Variants in EDEM3 observed in about 807,000 individuals in gnomAD.
EDEM3 encodes ER degradation-enhancing alpha-mannosidase-like protein 3.
Under a neutral mutation model 110.2 loss-of-function variants are expected in EDEM3, and 60 were observed. That is an observed-to-expected ratio of 0.54 (90% CI 0.44 to 0.67). The LOEUF (loss-of-function observed/expected upper bound fraction) is 0.67, where lower values mean the gene tolerates loss of function less well. EDEM3 is among the 30% of genes least tolerant of loss of function. The pLI is 0.00. For missense variants in EDEM3, 996 were observed against 1,121.0 expected, an observed-to-expected ratio of 0.89 and a Z score of 1.59; for synonymous variants, 352 against 382.9, an observed-to-expected ratio of 0.92 and a Z score of 0.94.
At position 184,744,501 on chromosome 1, in the gene EDEM3, T is replaced by C. The variant is rs182335618; in HGVS notation, c.204+5046A>G. Among the ~76,000 whole-genome samples, 8 of 151,794 alleles carry C rather than the reference T, an allele frequency of 5.3e-5. No individual in the cohort carries two copies. In the East Asian group the frequency reaches 1.4e-3, roughly 26 times the overall value. On this transcript the variant is annotated intron_variant, in intron 2 of 19. Transcript: ENST00000318130. Reference sequence around the variant, plus strand: ...AATATTATAGCCATTTTAGAAAAGATTGGCATTTCTTATTAAGTTAAACTT... The same window carrying C: ...AATATTATAGCCATTTTAGAAAAGACTGGCATTTCTTATTAAGTTAAACTT...
intron 13 of EDEM3, among the ~76,000 whole-genome samples, chr1:184,716,214 A>G (rs946895093): frequency 6.6e-6 from 1 of 152,188 alleles, no homozygotes; most frequent in Non-Finnish European, 1.5e-5. Flanking sequence ...AAAAACTAGT[A>G]AGAGCCCTGG....
chr1:184,714,746 C>G (rs1443625068), intron 13 of EDEM3, among the ~76,000 whole-genome samples: 1 of 151,858 alleles, frequency 6.6e-6, no homozygotes, highest in East Asian at 1.9e-4. Context: ...AATCTAGAAA[C>G]AAAACAAAAA....
At chr1:184,736,254 A>G (rs961139410) in intron 4 of EDEM3, among the ~76,000 whole-genome samples, 1 of 152,132 alleles carries the variant, frequency 6.6e-6, no homozygotes, top group Admixed American at 6.6e-5. Flanking sequence ...CGTTCTTAAA[A>G]AAAAAATACT....
At chr1:184,737,753 A>G (rs1320925245) in intron 2 of EDEM3, 42 bp from the exon 3 acceptor site, 1 of 1,523,870 alleles carries the variant, frequency 6.6e-7, no homozygotes, top group Non-Finnish European at 9.1e-7. Context: ...AAAATAAGCG[A>G]AAGCACACAT....
At chr1:184,739,142 C>T (rs1325976838) in intron 2 of EDEM3, among the ~76,000 whole-genome samples, 4 of 151,400 alleles carry the variant, frequency 2.6e-5, no homozygotes, top group South Asian at 2.1e-4. Flanking sequence ...AAACTTTTTG[C>T]GAACACATTT....
intron 4 of EDEM3, among the ~76,000 whole-genome samples, chr1:184,736,303 C>T (rs2024767): frequency 0.5 from 75,456 of 151,688 alleles, 18,942 homozygotes; most frequent in East Asian, 0.68. Flanking sequence ...TTGAGAAGCC[C>T]AGTTCCAAAA....
At chr1:184,723,078 G>C (rs1650990778) in intron 8 of EDEM3, among the ~76,000 whole-genome samples, 1 of 151,808 alleles carries the variant, frequency 6.6e-6, no homozygotes, top group Admixed American at 6.6e-5. Flanking sequence ...AACATCTTGG[G>C]AACAAATAAT....
intron 16 of EDEM3, among the ~76,000 whole-genome samples, chr1:184,709,960 AC>A (rs1193996480): frequency 6.6e-6 from 1 of 152,224 alleles, no homozygotes; most frequent in African/African-American, 2.4e-5. Context: ...TTTCCTAGGC[AC>A]AGACAAATAA....
At chr1:184,705,917 T>C (rs1649898071) in intron 18 of EDEM3, among the ~76,000 whole-genome samples, 1 of 152,144 alleles carries the variant, frequency 6.6e-6, no homozygotes, top group Non-Finnish European at 1.5e-5. Flanking sequence ...CACTAGTTGA[T>C]ACATATAGGT....
At position 184,752,718 on chromosome 1, in the gene EDEM3, G is replaced by T. The variant is rs150715818; in HGVS notation, c.158+1771C>A. Among the ~76,000 whole-genome samples, 616 of 152,326 alleles carry T rather than the reference G, an allele frequency of 4.0e-3. 5 individuals carry two copies. The highest frequency in any genetic ancestry group is 0.014 in the African/African-American group (595 of 41,574). On this transcript the variant is annotated intron_variant, in intron 1 of 19. Coordinates refer to ENST00000318130, the MANE Select transcript of EDEM3 (RefSeq NM_025191.4). ...GATTCTTGTGGTTCTTAACAGACTT[G>T]ATACTTCTCTTCCAAGTCTAATGAA...
chr1:184,714,821 G>T (rs368943472), intron 13 of EDEM3, among the ~76,000 whole-genome samples: 1 of 152,152 alleles, frequency 6.6e-6, no homozygotes, highest in East Asian at 1.9e-4. Flanking sequence ...AAACTTGGCT[G>T]CTCAAAGGCA....
Position 184,736,025 on chromosome 1 carries a change from T to C in EDEM3, c.345+1000A>G, listed in dbSNP as rs527239588. ...CTGTAATATAGTTTGCATATTCCAT[T>C]AATCTCCAAAAAATGAAGCTGTGAC... On this transcript the variant is annotated intron_variant, in intron 4 of 19. Transcript: ENST00000318130. Among the ~76,000 whole-genome samples the C allele has an allele frequency of 7.2e-5, 11 of 152,302 alleles. No homozygotes were observed. In the East Asian group the frequency reaches 2.1e-3, roughly 29 times the overall value.
At chr1:184,737,833 C>A in intron 2 of EDEM3, 122 bp from the exon 3 acceptor site, 2 of 814,174 alleles carry the variant, frequency 2.5e-6, no homozygotes, top group Admixed American at 2.8e-5. Flanking sequence ...TAAATTTACA[C>A]CCTGTGGAAT....
At chr1:184,708,059 A>G in intron 17 of EDEM3, 94 bp downstream of exon 17, 2 of 1,174,618 alleles carry the variant, frequency 1.7e-6, no homozygotes, top group East Asian at 2.8e-5. Context: ...TTTTAAATAA[A>G]TTAAAACTAC....
At chr1:184,696,025 C>T (rs1649310583) in intron 19 of EDEM3, among the ~76,000 whole-genome samples, 1 of 151,966 alleles carries the variant, frequency 6.6e-6, no homozygotes, top group Non-Finnish European at 1.5e-5. Flanking sequence ...CCTGAAGCAA[C>T]TGGGGGGATT....
Position 184,732,874 on chromosome 1 carries a change from G to T in EDEM3, c.575C>A (p.Pro192Gln). Residue 192 changes from proline (P) to glutamine (Q), a missense_variant, in exon 6 of 20, where the codon CCG becomes CAG. This residue lies in a region of EDEM3 where 310 missense variants were observed against 394.6 expected (regional missense o/e 0.79). Coordinates refer to ENST00000318130, the MANE Select transcript of EDEM3 (RefSeq NM_025191.4). ...AAGGCCACTGGTAGTGTTGAAAGCC[G>T]GTAAAAGTTTGTAACCTAACTGCTT... is the stretch of plus-strand genomic sequence containing the variant. Reference protein sequence around the residue: ...MAKQLGYKLLPAFNTTSGLPY... With the variant: ...MAKQLGYKLLQAFNTTSGLPY... 1 of 1,613,530 alleles carries T rather than the reference G, an allele frequency of 6.2e-7. No homozygotes were observed. The highest frequency in any genetic ancestry group is 1.1e-5 in the South Asian group (1 of 91,032).
intron 2 of EDEM3, among the ~76,000 whole-genome samples, chr1:184,745,548 A>AT (rs1450534872): frequency 1.3e-5 from 2 of 152,132 alleles, no homozygotes; most frequent in Admixed American, 1.3e-4. Flanking sequence ...AAAATGGTAA[A>AT]TTTCATATTA....
Position 184,754,400 on chromosome 1 carries a change from G to A in EDEM3, c.158+89C>T, listed in dbSNP as rs987304916. 2.5e-5 allele frequency: 39 copies of A among 1,576,766 alleles called. No individual in the cohort carries two copies. In the African/African-American group the frequency reaches 4.2e-4, roughly 17 times the overall value. ...GAGCCGTTCCAATCGCGACAGGAGA[G>A]GCCACTACGCGACCGGGTCGCAATG... On this transcript the variant is annotated intron_variant, in intron 1 of 19. Transcript: ENST00000318130.
At chr1:184,750,658 G>A (rs772046127) in intron 1 of EDEM3, among the ~76,000 whole-genome samples, 4 of 151,782 alleles carry the variant, frequency 2.6e-5, no homozygotes, top group Non-Finnish European at 5.9e-5. Flanking sequence ...GATTACAGGC[G>A]TCTGCCACCA....
Sources: gnomAD v4.1 joint callset for allele counts (sites outside exome capture counted in the v4.1 genomes callset) on GRCh38, gnomAD v4.1.1 for gene constraint, gnomAD v4.1.1 regional missense constraint, MANE v1.5 for transcripts, NCBI Gene and HGNC (gene_info 2026-07-23, HGNC 2026-07-21) for gene names.